Variants in MED14 observed in about 807,000 individuals in gnomAD.
MED14 encodes the protein mediator of RNA polymerase II transcription subunit 14.
In MED14, 8 loss-of-function variants were observed where a neutral mutation model predicts 109.0. That is an observed-to-expected ratio of 0.07 (90% CI 0.04 to 0.13). MED14 has a LOEUF of 0.13. Ranked by LOEUF, MED14 falls within the 10% of genes least tolerant of loss-of-function variation. MED14 has a pLI of 1.00. For synonymous variants in MED14, 399 were observed against 408.7 expected, an observed-to-expected ratio of 0.98 and a Z score of 0.29; for missense variants, 711 against 1,142.4, an observed-to-expected ratio of 0.62 and a Z score of 5.44.
intron 23 of MED14, among the ~76,000 whole-genome samples, chrX:40,667,701 G>A: frequency 8.9e-6 from 1 of 112,128 alleles, no homozygotes; most frequent in Non-Finnish European, 1.9e-5. Flanking sequence ...AGCTGCTGTG[G>A]GACAGACTAT....
chrX:40,692,112 A>T, intron 15 of MED14, 71 bp downstream of exon 15: 1 of 1,011,729 alleles, frequency 9.9e-7, no homozygotes, highest in Non-Finnish European at 1.4e-6. Flanking sequence ...GAATCTATAT[A>T]TACCCTCAGC....
intron 11 of MED14, among the ~76,000 whole-genome samples, chrX:40,702,312 TTAA>T (rs1359645438): frequency 9.0e-6 from 1 of 110,938 alleles, no homozygotes; most frequent in Non-Finnish European, 1.9e-5. Context: ...ATGTACTATG[TTAA>T]TAATCAGAAA....
intron 10 of MED14, among the ~76,000 whole-genome samples, chrX:40,708,401 C>T (rs1475458939): frequency 9.0e-6 from 1 of 111,687 alleles, no homozygotes. Flanking sequence ...TTTTTAAAAT[C>T]TATTTCTGTC....
chrX:40,702,776 G>A (rs1366960460), intron 11 of MED14, among the ~76,000 whole-genome samples: 1 of 111,615 alleles, frequency 9.0e-6, no homozygotes, highest in Non-Finnish European at 1.9e-5. Context: ...AGTTTTCCAT[G>A]AGCAGCCCAT....
At position 40,696,403 on chromosome X, in the gene MED14, T is replaced by C. The variant is rs183508789; in HGVS notation, c.1650+621A>G. ...GATCCACCCGCCTCAGCCTCCCAAG[T>C]GCTAGGATTACAGGTGTGAGCCACC... On this transcript the variant is annotated intron_variant, in intron 13 of 30. Transcript: ENST00000324817. Among the ~76,000 whole-genome samples the C allele has an allele frequency of 8.6e-3, 955 of 110,944 alleles. 7 individuals carry two copies. The highest frequency in any genetic ancestry group is 0.029 in the African/African-American group (898 of 30,491).
intron 2 of MED14, 123 bp from the exon 3 acceptor site, chrX:40,726,974 A>G: frequency 1.8e-6 from 1 of 540,570 alleles, no homozygotes; most frequent in Non-Finnish European, 3.0e-6. Flanking sequence ...CTACAAAATG[A>G]GCCACCTAAA....
chrX:40,666,934 ATAAAT>A (rs995260490), intron 23 of MED14, 83 bp from the exon 24 acceptor site: 1 of 899,701 alleles, frequency 1.1e-6, no homozygotes, highest in Non-Finnish European at 1.5e-6. Flanking sequence ...AAATCTCCCT[ATAAAT>A]TAAAGAAACA....
Position 40,735,315 on chromosome X carries a change from G to C in MED14, c.98C>G (p.Pro33Arg). The C allele has an allele frequency of 8.9e-7, 1 of 1,122,707 alleles. No individual in the cohort carries two copies. Among genetic ancestry groups the C allele is most frequent in the Non-Finnish European group, 1.2e-6 (1 of 851,292 alleles). 92.5% of individuals were successfully genotyped at this position (1,122,707 alleles called of 1,213,427 possible). ...GPPSAPAPPP[P>R]GAAVAAAAAA... ...AGCGGCCGCCGCCACGGCGGCTCCC[G>C]GGGGAGGAGGGGCTGGGGCTGACGG... The change falls in exon 1 of 31, where the codon CCG (proline) becomes CGG (arginine). Residue 33 changes from proline to arginine, a missense_variant. This residue lies in a region of MED14 where 62 missense variants were observed against 55.2 expected (regional missense o/e 1.12). Transcript: ENST00000324817.
chrX:40,692,363 A>G, intron 14 of MED14, 46 bp from the exon 15 acceptor site: 4 of 818,267 alleles, frequency 4.9e-6, no homozygotes, highest in Non-Finnish European at 6.9e-6. Context: ...AAAAAAAAAA[A>G]GTACATGTGA....
intron 28 of MED14, 128 bp from the exon 29 acceptor site, chrX:40,655,188 T>G (rs1272217509): frequency 1.5e-6 from 1 of 661,503 alleles, no homozygotes; most frequent in Non-Finnish European, 2.3e-6. Flanking sequence ...AGTTAATAAC[T>G]GCACTTTTTC....
chrX:40,677,880 T>C (rs1929965808), intron 21 of MED14, among the ~76,000 whole-genome samples: 1 of 111,915 alleles, frequency 8.9e-6, no homozygotes, highest in African/African-American at 3.2e-5. Context: ...TGTGAACTCA[T>C]TACACATCTC....
intron 28 of MED14, among the ~76,000 whole-genome samples, chrX:40,658,859 T>A (rs771436911): frequency 2.7e-5 from 3 of 110,780 alleles, no homozygotes; most frequent in Admixed American, 1.9e-4. Context: ...TGAGACCGTG[T>A]CTCAATCAAT....
Position 40,735,365 on chromosome X carries a change from G to A in MED14, c.48C>T (p.Gly16=). ...GGGGTCCGCCGCTGCCCCCGCCGCC[G>A]CCTCCGGGCGGGACCAGCTGGTGGT... ...LENHQLVPPG[G]GGGGSGGPPS... is the part of the protein sequence containing the mutation. The change falls in exon 1 of 31, where the codon GGC becomes GGT. Residue 16 remains glycine, a synonymous_variant. Coordinates refer to ENST00000324817, the MANE Select transcript of MED14 (RefSeq NM_004229.4). 1 of 1,062,956 alleles carries A rather than the reference G, an allele frequency of 9.4e-7. No homozygotes were observed. Among genetic ancestry groups the A allele is most frequent in the Non-Finnish European group, 1.2e-6 (1 of 827,351 alleles). 87.6% of individuals were successfully genotyped at this position (1,062,956 alleles called of 1,213,427 possible).
At chrX:40,683,524 C>G (rs1171225441) in intron 16 of MED14, among the ~76,000 whole-genome samples, 1 of 112,035 alleles carries the variant, frequency 8.9e-6, no homozygotes, top group African/African-American at 3.2e-5. Flanking sequence ...GTGGCTGACA[C>G]AGCAAGTATT....
At chrX:40,683,804 A>G (rs768437777) in intron 16 of MED14, among the ~76,000 whole-genome samples, 2 of 112,336 alleles carry the variant, frequency 1.8e-5, no homozygotes, top group Non-Finnish European at 3.8e-5. Context: ...AGAGCTTTAC[A>G]TGTGTTAACT....
At position 40,709,110 on chromosome X, in the gene MED14, A is replaced by G. The variant is rs186848395; in HGVS notation, c.1285+238T>C. Among the ~76,000 whole-genome samples the G allele has an allele frequency of 4.9e-4, 55 of 111,568 alleles. No individual in the cohort carries two copies. In the East Asian group the frequency reaches 0.011, roughly 22 times the overall value. On this transcript the variant is annotated intron_variant, in intron 10 of 30. Transcript: ENST00000324817. ...GGTGTGAGCCACCATGCCCAGCCCC[A>G]TTTCATAAAGTTTTAAGGAAATCCA...
At chrX:40,681,399 C>A (rs1602460754) in intron 19 of MED14, among the ~76,000 whole-genome samples, 1 of 110,080 alleles carries the variant, frequency 9.1e-6, no homozygotes, top group African/African-American at 3.4e-5. Context: ...TAGGACTTTA[C>A]ATATGAGGTG....
intron 1 of MED14, 33 bp from the exon 2 acceptor site, chrX:40,729,378 A>G: frequency 1.8e-6 from 2 of 1,142,127 alleles, no homozygotes; most frequent in East Asian, 3.0e-5. Flanking sequence ...GATTAGATAC[A>G]TGCATACCTT....
intron 5 of MED14, 24 bp downstream of exon 5, chrX:40,713,754 A>T: frequency 8.3e-7 from 1 of 1,208,489 alleles, no homozygotes; most frequent in African/African-American, 1.7e-5. Context: ...TCAACTCTTA[A>T]AAAAATAAAT....
Sources: allele counts gnomAD v4.1 joint callset (sites outside exome capture counted in the v4.1 genomes callset), GRCh38; gene constraint gnomAD v4.1.1; regional missense constraint gnomAD v4.1.1; transcripts MANE v1.5; gene names NCBI Gene and HGNC (gene_info 2026-07-23, HGNC 2026-07-21).